The following UNC5C variants were observed in gnomAD, a reference collection of about 807,000 sequenced individuals.
The protein encoded by UNC5C is unc-5 netrin receptor C.
A neutral mutation model predicts 99.8 loss-of-function variants in UNC5C; 47 were observed. The ratio of observed to expected loss-of-function variants is 0.47; its 90% CI spans 0.37 to 0.60. The LOEUF (loss-of-function observed/expected upper bound fraction) is 0.60, where lower values mean the gene tolerates loss of function less well. Ranked by LOEUF, UNC5C falls within the 20% of genes least tolerant of loss-of-function variation. The pLI, the probability that UNC5C is intolerant of heterozygous loss-of-function variation, is 0.00. For missense variants in UNC5C, 1,062 were observed against 1,165.9 expected, an observed-to-expected ratio of 0.91 and a Z score of 1.30; for synonymous variants, 487 against 452.2, an observed-to-expected ratio of 1.08 and a Z score of -0.98.
At chr4:95,305,198 C>T (rs1392624888) in intron 2 of UNC5C, among the ~76,000 whole-genome samples, 1 of 152,008 alleles carries the variant, frequency 6.6e-6, no homozygotes, top group Non-Finnish European at 1.5e-5. Flanking sequence ...GTCAACAACA[C>T]AAGAATAAGA....
chr4:95,262,085 C>A (rs1417550954), intron 4 of UNC5C, among the ~76,000 whole-genome samples: 1 of 152,230 alleles, frequency 6.6e-6, no homozygotes, highest in East Asian at 1.9e-4. Flanking sequence ...AAAATCTTGC[C>A]ATCATATATT....
chr4:95,430,994 A>G (rs558946816), intron 1 of UNC5C, among the ~76,000 whole-genome samples: 1 of 152,140 alleles, frequency 6.6e-6, no homozygotes, highest in Admixed American at 6.6e-5. Flanking sequence ...CTCACACATC[A>G]TTCTTCATCC....
At chr4:95,359,080 G>A (rs1744302875) in intron 1 of UNC5C, among the ~76,000 whole-genome samples, 2 of 152,152 alleles carry the variant, frequency 1.3e-5, no homozygotes, top group Non-Finnish European at 2.9e-5. Context: ...TAACCAACCA[G>A]TATAGTTGAA....
chr4:95,411,263 G>A (rs532702442), intron 1 of UNC5C, among the ~76,000 whole-genome samples: 155 of 152,052 alleles, frequency 1.0e-3, no homozygotes, highest in African/African-American at 3.6e-3. Context: ...AGAGGAACAA[G>A]ATTTATGTTT....
chr4:95,324,533 A>G (rs564722631), intron 2 of UNC5C, among the ~76,000 whole-genome samples: 77 of 152,334 alleles, frequency 5.1e-4, no homozygotes, highest in African/African-American at 1.8e-3. Context: ...ATTGTTTTCC[A>G]TGAAAACGGT....
At chr4:95,245,226 T>C in intron 5 of UNC5C, 82 bp from the exon 6 acceptor site, 1 of 1,388,876 alleles carries the variant, frequency 7.2e-7, no homozygotes, top group East Asian at 2.7e-5. Context: ...AGACACAATA[T>C]GTAAACAAAG....
At chr4:95,332,241 A>G (rs1743143054) in intron 2 of UNC5C, among the ~76,000 whole-genome samples, 2 of 151,874 alleles carry the variant, frequency 1.3e-5, no homozygotes, top group Non-Finnish European at 2.9e-5. Context: ...ATATTGAACC[A>G]AAAAAGAGCC....
chr4:95,252,907 A>T (rs190411385), intron 4 of UNC5C, among the ~76,000 whole-genome samples: 10 of 152,336 alleles, frequency 6.6e-5, no homozygotes. Flanking sequence ...TGTTTCAGGC[A>T]CAAAATTGTT....
chr4:95,173,052 G>T (rs1004233845), intron 14 of UNC5C, among the ~76,000 whole-genome samples: 9 of 151,942 alleles, frequency 5.9e-5, no homozygotes, highest in African/African-American at 2.2e-4. Flanking sequence ...GTCTGTTATT[G>T]GTGTATAAGA....
At chr4:95,261,139 G>C (rs183974370) in intron 4 of UNC5C, among the ~76,000 whole-genome samples, 14 of 152,256 alleles carry the variant, frequency 9.2e-5, no homozygotes, top group East Asian at 1.9e-4. Flanking sequence ...TGCAGATTAC[G>C]AGATAGGGGC....
At chr4:95,262,305 G>A (rs558531791) in intron 4 of UNC5C, among the ~76,000 whole-genome samples, 31 of 152,246 alleles carry the variant, frequency 2.0e-4, no homozygotes, top group Middle Eastern at 6.8e-3. Flanking sequence ...ATGACAGATC[G>A]CTATGTAATT....
intron 6 of UNC5C, among the ~76,000 whole-genome samples, chr4:95,244,545 G>A (rs1223891325): frequency 6.6e-6 from 1 of 152,150 alleles, no homozygotes; most frequent in African/African-American, 2.4e-5. Flanking sequence ...CCCTTCACCA[G>A]AAACTGACAC....
chr4:95,296,378 TG>T (rs2149402064), intron 3 of UNC5C, among the ~76,000 whole-genome samples: 1 of 152,320 alleles, frequency 6.6e-6, no homozygotes, highest in South Asian at 2.1e-4. Flanking sequence ...AAGAAGAGTT[TG>T]TTTTTTTATT....
At chr4:95,532,791 G>T (rs1249300937) in intron 1 of UNC5C, among the ~76,000 whole-genome samples, 1 of 152,014 alleles carries the variant, frequency 6.6e-6, no homozygotes, top group African/African-American at 2.4e-5. Flanking sequence ...ATTTGGGAGG[G>T]TTCATGGTCC....
intron 1 of UNC5C, among the ~76,000 whole-genome samples, chr4:95,484,878 C>T (rs1721279973): frequency 6.6e-6 from 1 of 151,784 alleles, no homozygotes; most frequent in Non-Finnish European, 1.5e-5. Flanking sequence ...AAGGTAAAGT[C>T]AAATCATTTG....
chr4:95,448,526 G>A (rs547824402), intron 1 of UNC5C, among the ~76,000 whole-genome samples: 3 of 152,218 alleles, frequency 2.0e-5, no homozygotes, highest in South Asian at 2.1e-4. Flanking sequence ...ATAATGGATC[G>A]AGTTAAGGAA....
intron 4 of UNC5C, among the ~76,000 whole-genome samples, chr4:95,253,852 A>G (rs1739850723): frequency 6.6e-6 from 1 of 152,148 alleles, no homozygotes; most frequent in Non-Finnish European, 1.5e-5. Context: ...ACCAGGGGCT[A>G]CACATCACCA....
At chr4:95,473,591 A>G (rs1037910001) in intron 1 of UNC5C, among the ~76,000 whole-genome samples, 10 of 152,128 alleles carry the variant, frequency 6.6e-5, no homozygotes, top group Non-Finnish European at 5.9e-5. Flanking sequence ...ATACAGGTAT[A>G]ATCCATGGTA....
intron 1 of UNC5C, among the ~76,000 whole-genome samples, chr4:95,357,161 T>C (rs77572008): frequency 0.18 from 27,262 of 150,528 alleles, 2,642 homozygotes; most frequent in Middle Eastern, 0.27. Flanking sequence ...AAAGACATGG[T>C]CTTACTCTGT....
Sources: allele counts gnomAD v4.1 joint callset (sites outside exome capture counted in the v4.1 genomes callset), GRCh38; gene constraint gnomAD v4.1.1; transcripts MANE v1.5; gene names NCBI Gene and HGNC (gene_info 2026-07-23, HGNC 2026-07-21).